Variants in COX10 observed in about 807,000 individuals in gnomAD.
The protein encoded by COX10 is protoheme IX farnesyltransferase, mitochondrial.
A neutral mutation model predicts 37.3 loss-of-function variants in COX10; 27 were observed. The ratio of observed to expected loss-of-function variants is 0.72; its 90% CI spans 0.53 to 1.00. The LOEUF (loss-of-function observed/expected upper bound fraction) is 1.00. Ranked by LOEUF, COX10 falls within the 50% of genes least tolerant of loss-of-function variation. The probability of loss-of-function intolerance (pLI) is 0.00; values close to 1 mark genes in which losing one functional copy is unlikely to be tolerated. For missense variants in COX10, 475 were observed against 563.2 expected (o/e 0.84, Z 1.59); for synonymous variants, 222 against 229.1 (o/e 0.97, Z 0.28).
chr17:14,194,992 T>G (rs1906325662), intron 6 of COX10, among the ~76,000 whole-genome samples: 1 of 152,204 alleles, frequency 6.6e-6, no homozygotes, highest in African/African-American at 2.4e-5. Flanking sequence ...CAGTGTATCC[T>G]TTTACTTTAA....
In COX10 at chr17:14,206,954, T is replaced by TGCGCC; in HGVS notation, c.1074_1078dup (p.His360ArgfsTer118). On this transcript the variant is annotated frameshift_variant, in exon 7 of 7. Transcript: ENST00000261643. LOFTEE classifies it high-confidence loss of function. ...CCGGGCCTGTGCCGGCGCGTGGCGC[T>TGCGCC]GCGCCACTGCCTGGCCCTGCTCGTG... The TGCGCC allele has an allele frequency of 6.2e-7, 1 of 1,613,926 alleles. No homozygotes were observed. Among genetic ancestry groups the TGCGCC allele is most frequent in the Non-Finnish European group, 8.5e-7 (1 of 1,179,880 alleles).
At chr17:14,176,332 A>T (rs1193248711) in intron 5 of COX10, among the ~76,000 whole-genome samples, 5 of 152,200 alleles carry the variant, frequency 3.3e-5, no homozygotes, top group Non-Finnish European at 7.3e-5. Context: ...GAGAAGGTGC[A>T]GCTCCCCTGT....
intron 6 of COX10, among the ~76,000 whole-genome samples, chr17:14,196,978 A>T (rs1567612995): frequency 1.3e-5 from 2 of 152,194 alleles, no homozygotes; most frequent in African/African-American, 2.4e-5. Flanking sequence ...GAGCCAAGAC[A>T]TCAAATACCC....
At chr17:14,181,805 A>G (rs1905868169) in intron 5 of COX10, among the ~76,000 whole-genome samples, 1 of 152,126 alleles carries the variant, frequency 6.6e-6, no homozygotes, top group African/African-American at 2.4e-5. Flanking sequence ...TTGGACTACA[A>G]TGCTGGAAAC....
intron 5 of COX10, among the ~76,000 whole-genome samples, chr17:14,175,685 C>T (rs1488359308): frequency 6.6e-6 from 1 of 151,922 alleles, no homozygotes; most frequent in Non-Finnish European, 1.5e-5. Flanking sequence ...AACAGTTGAG[C>T]TCTAAAAGAT....
intron 4 of COX10, among the ~76,000 whole-genome samples, chr17:14,119,938 T>A (rs909241636): frequency 6.6e-6 from 1 of 152,162 alleles, no homozygotes; most frequent in African/African-American, 2.4e-5. Context: ...AGAGAGAATG[T>A]CCAAAAGGCC....
chr17:14,104,729 G>A (rs1324791834), intron 4 of COX10, among the ~76,000 whole-genome samples: 1 of 152,004 alleles, frequency 6.6e-6, no homozygotes, highest in East Asian at 1.9e-4. Context: ...CTCTGTGAAA[G>A]TAGAAAAAAT....
chr17:14,135,895 A>G (rs1904347835), intron 4 of COX10, among the ~76,000 whole-genome samples: 1 of 152,002 alleles, frequency 6.6e-6, no homozygotes, highest in Non-Finnish European at 1.5e-5. Context: ...GCCACCAAAA[A>G]GTGCTCTGTC....
chr17:14,103,112 T>C (rs1915823334), intron 4 of COX10, among the ~76,000 whole-genome samples: 1 of 152,126 alleles, frequency 6.6e-6, no homozygotes, highest in African/African-American at 2.4e-5. Flanking sequence ...TTTTTTGTTG[T>C]TGTTGTTATT....
intron 4 of COX10, among the ~76,000 whole-genome samples, chr17:14,146,705 C>G (rs549992797): frequency 6.6e-6 from 1 of 152,094 alleles, no homozygotes; most frequent in East Asian, 1.9e-4. Flanking sequence ...AAGAGACAAC[C>G]CACAGAATGG....
intron 2 of COX10, among the ~76,000 whole-genome samples, chr17:14,074,906 G>A (rs1203047852): frequency 6.6e-6 from 1 of 152,080 alleles, no homozygotes; most frequent in Non-Finnish European, 1.5e-5. Context: ...CAAACAATTC[G>A]ACAGTTTTTA....
intron 4 of COX10, among the ~76,000 whole-genome samples, chr17:14,118,023 T>G (rs1427981888): frequency 6.6e-6 from 1 of 152,076 alleles, no homozygotes. Context: ...CCTGCTGAAT[T>G]CCCCTCAGCG....
Position 14,202,211 on chromosome 17 carries a change from G to A in COX10, c.929-4599G>A, listed in dbSNP as rs908188777. ...GGGAATGTCACAAACTTTAGTCTGT[G>A]TGTGGCAACAACTTTTTTTTTTTTT... On this transcript the variant is annotated intron_variant, in intron 6 of 6. Coordinates refer to ENST00000261643, the MANE Select transcript of COX10 (RefSeq NM_001303.4). Among the ~76,000 whole-genome samples the A allele has an allele frequency of 2.0e-4, 29 of 143,298 alleles. 1 individual carries two copies. Among genetic ancestry groups the A allele is most frequent in the African/African-American group, 7.2e-4 (28 of 38,798 alleles). 94.0% of individuals were successfully genotyped at this position (143,298 alleles called of 152,430 possible). A position where few individuals can be genotyped will look rare whatever the true frequency, so the allele number is the denominator to read the frequency against.
intron 6 of COX10, among the ~76,000 whole-genome samples, chr17:14,202,223 C>CTTTT (rs66479644): frequency 7.1e-6 from 1 of 140,044 alleles, no homozygotes; most frequent in Admixed American, 7.1e-5. Flanking sequence ...GTGGCAACAA[C>CTTTT]TTTTTTTTTT....
At chr17:14,070,600 G>C (rs900979094) in intron 1 of COX10, among the ~76,000 whole-genome samples, 3 of 152,272 alleles carry the variant, frequency 2.0e-5, no homozygotes, top group African/African-American at 7.2e-5. Context: ...TGTGATGCCG[G>C]TGGTGCATAT....
intron 3 of COX10, among the ~76,000 whole-genome samples, chr17:14,101,631 T>C (rs1915785500): frequency 6.6e-6 from 1 of 152,192 alleles, no homozygotes; most frequent in Admixed American, 6.5e-5. Flanking sequence ...GCTGGGACCA[T>C]CATCTCTTAT....
intron 6 of COX10, among the ~76,000 whole-genome samples, chr17:14,201,446 T>A (rs1429503239): frequency 6.6e-6 from 1 of 152,232 alleles, no homozygotes; most frequent in East Asian, 1.9e-4. Flanking sequence ...CAATTTCCTC[T>A]TACAGAAAAC....
chr17:14,201,415 G>C (rs1906537805), intron 6 of COX10, among the ~76,000 whole-genome samples: 1 of 152,168 alleles, frequency 6.6e-6, no homozygotes, highest in Non-Finnish European at 1.5e-5. Context: ...CTTCATTTGT[G>C]ACATGAGCCA....
chr17:14,100,969 A>G (rs936043370), intron 3 of COX10, among the ~76,000 whole-genome samples: 5 of 152,102 alleles, frequency 3.3e-5, no homozygotes, highest in African/African-American at 1.2e-4. Context: ...TATCCACTAG[A>G]AGACAAGTAG....
Sources: allele counts gnomAD v4.1 joint callset (sites outside exome capture counted in the v4.1 genomes callset), GRCh38; gene constraint gnomAD v4.1.1; transcripts MANE v1.5; gene names NCBI Gene and HGNC (gene_info 2026-07-23, HGNC 2026-07-21).